Variants in CAMTA1 observed in about 807,000 individuals in gnomAD.
CAMTA1 encodes the protein calmodulin binding transcription activator 1, also known as calmodulin-binding transcription activator 1.
Under a neutral mutation model 170.9 loss-of-function variants are expected in CAMTA1, and 27 were observed. The ratio of observed to expected loss-of-function variants is 0.16; its 90% CI spans 0.12 to 0.22. CAMTA1 has a LOEUF of 0.22. CAMTA1 is among the 10% of genes least tolerant of loss of function. CAMTA1 has a pLI of 1.00. For missense variants in CAMTA1, 1,619 were observed against 2,217.2 expected (o/e 0.73, Z 5.42); for synonymous variants, 833 against 891.5 (o/e 0.93, Z 1.17).
At chr1:7,416,008 T>G (rs982831886) in intron 5 of CAMTA1, among the ~76,000 whole-genome samples, 1 of 152,232 alleles carries the variant, frequency 6.6e-6, no homozygotes, top group Non-Finnish European at 1.5e-5. Flanking sequence ...TTATTTCTCC[T>G]TCACTTATGA....
intron 3 of CAMTA1, among the ~76,000 whole-genome samples, chr1:6,842,444 C>T (rs1405658877): frequency 5.3e-5 from 8 of 152,194 alleles, no homozygotes; most frequent in Admixed American, 5.2e-4. Context: ...AAACATATCA[C>T]GACCTGGGCC....
At chr1:7,494,011 A>G (rs1246460522) in intron 6 of CAMTA1, among the ~76,000 whole-genome samples, 1 of 151,888 alleles carries the variant, frequency 6.6e-6, no homozygotes, top group East Asian at 1.9e-4. Flanking sequence ...GTAATTTAGG[A>G]TGGTTGCCAC....
chr1:7,438,635 G>A (rs1200814929), intron 5 of CAMTA1, among the ~76,000 whole-genome samples: 4 of 152,188 alleles, frequency 2.6e-5, no homozygotes, highest in Non-Finnish European at 5.9e-5. Flanking sequence ...TCCTGTGGCT[G>A]CAATGCAGCT....
intron 5 of CAMTA1, among the ~76,000 whole-genome samples, chr1:7,276,303 A>ATATAATTTTTTTTTTTTTTT: frequency 4.1e-5 from 1 of 24,228 alleles, no homozygotes; most frequent in African/African-American, 3.0e-4. Flanking sequence ...ATATATATAT[A>ATATAATTTTTTTTTTTTTTT]TTTTTTTTTT....
rs1023495970 is a variant in CAMTA1, at chr1:6,893,048, G to A, written c.234+67838G>A. ...GTAATCCCAGCACTTTTGGGAGGCC[G>A]AGGCGGGCGGATCACGAGGTCAGGA... On this transcript the variant is annotated intron_variant, in intron 3 of 22. Transcript: ENST00000303635. Among the ~76,000 whole-genome samples the A allele has an allele frequency of 2.0e-5, 3 of 152,134 alleles. No individual in the cohort carries two copies. In the East Asian group the frequency reaches 5.8e-4, roughly 29 times the overall value.
chr1:7,342,063 G>C (rs1266551655), intron 5 of CAMTA1, among the ~76,000 whole-genome samples: 1 of 152,230 alleles, frequency 6.6e-6, no homozygotes, highest in Non-Finnish European at 1.5e-5. Context: ...CATTATCACT[G>C]TATTTTACAA....
At chr1:7,180,549 C>G (rs547840464) in intron 4 of CAMTA1, among the ~76,000 whole-genome samples, 1 of 147,928 alleles carries the variant, frequency 6.8e-6, no homozygotes, top group African/African-American at 2.5e-5. Flanking sequence ...ACCGGGCCCC[C>G]CTCTATCATC....
intron 5 of CAMTA1, among the ~76,000 whole-genome samples, chr1:7,342,141 G>A (rs1020706616): frequency 1.3e-5 from 2 of 152,230 alleles, no homozygotes; most frequent in African/African-American, 4.8e-5. Flanking sequence ...TTTTAAGTCT[G>A]CCTCTTGAGG....
chr1:7,250,828 G>A (rs183317815), intron 5 of CAMTA1, among the ~76,000 whole-genome samples: 7 of 152,318 alleles, frequency 4.6e-5, no homozygotes, highest in Admixed American at 1.3e-4. Flanking sequence ...CCTGTGCTCA[G>A]TGTTTGCACA....
Position 7,333,419 on chromosome 1 carries a change from C to T in CAMTA1, c.438+83793C>T, listed in dbSNP as rs1315603519. On this transcript the variant is annotated intron_variant, in intron 5 of 22. Transcript: ENST00000303635. The surrounding 1 kb of genome is among the most constrained non-coding windows in gnomAD (Gnocchi z 4.4). ...ATAGGCACGCCTTCCTGCAAGGTCA[C>T]AGGTGGAACAGGTGGAGAGAACACA... 6.6e-6 allele frequency among the ~76,000 whole-genome samples: 1 copy of T among 152,196 alleles called. No individual in the cohort carries two copies. The highest frequency in any genetic ancestry group is 6.5e-5 in the Admixed American group (1 of 15,282).
At chr1:7,276,613 G>A (rs1357539330) in intron 5 of CAMTA1, among the ~76,000 whole-genome samples, 3 of 151,828 alleles carry the variant, frequency 2.0e-5, no homozygotes, top group African/African-American at 4.8e-5. Flanking sequence ...CCAGGCACCT[G>A]ATCATATTTA....
chr1:7,542,334 T>C (rs1233679568), intron 6 of CAMTA1, among the ~76,000 whole-genome samples: 1 of 152,202 alleles, frequency 6.6e-6, no homozygotes, highest in African/African-American at 2.4e-5. Flanking sequence ...AAGTTGATAA[T>C]ATAAGATGAG....
chr1:7,319,725 C>G (rs1678079922), intron 5 of CAMTA1, among the ~76,000 whole-genome samples: 1 of 152,174 alleles, frequency 6.6e-6, no homozygotes, highest in African/African-American at 2.4e-5. Context: ...AGCCGCATTC[C>G]AAGTCCTGAG....
intron 5 of CAMTA1, among the ~76,000 whole-genome samples, chr1:7,287,520 C>T (rs934129793): frequency 3.3e-5 from 5 of 151,848 alleles, no homozygotes; most frequent in African/African-American, 7.3e-5. Context: ...TATTTTTACA[C>T]GTTGTATTGG....
At chr1:7,348,711 G>T (rs1403470385) in intron 5 of CAMTA1, among the ~76,000 whole-genome samples, 1 of 152,210 alleles carries the variant, frequency 6.6e-6, no homozygotes, top group South Asian at 2.1e-4. Flanking sequence ...GCCACAGGGG[G>T]TGTTCGGCTT....
At chr1:7,274,379 G>A (rs1023256321) in intron 5 of CAMTA1, among the ~76,000 whole-genome samples, 3 of 152,150 alleles carry the variant, frequency 2.0e-5, no homozygotes, top group African/African-American at 4.8e-5. Flanking sequence ...ATTTTATAAT[G>A]ATAAGAGGGT....
At chr1:7,506,569 A>G (rs187828523) in intron 6 of CAMTA1, among the ~76,000 whole-genome samples, 7 of 152,218 alleles carry the variant, frequency 4.6e-5, no homozygotes, top group Admixed American at 2.0e-4. Flanking sequence ...AGCTCACTCA[A>G]AATTCACACG....
chr1:6,953,967 A>C lies in CAMTA1; in HGVS notation c.234+128757A>C, dbSNP rs969826408. On this transcript the variant is annotated intron_variant, in intron 3 of 22. Transcript: ENST00000303635. ...TTGCCAGGTCTTCTGAGTGCTGCTG[A>C]CCTGAGGGCGGCACTCGAGGGCTTG... is the stretch of plus-strand genomic sequence containing the variant. Among the ~76,000 whole-genome samples, 4 of 152,018 alleles carry C rather than the reference A, an allele frequency of 2.6e-5. No homozygotes were observed. In the East Asian group the frequency reaches 7.7e-4, roughly 29 times the overall value.
intron 3 of CAMTA1, among the ~76,000 whole-genome samples, chr1:7,059,996 C>T (rs943410850): frequency 2.6e-5 from 4 of 152,160 alleles, no homozygotes; most frequent in South Asian, 2.1e-4. Context: ...CCTGGGCAGC[C>T]GCCACAGCTG....
Sources: allele counts gnomAD v4.1 joint callset (sites outside exome capture counted in the v4.1 genomes callset), GRCh38; gene constraint gnomAD v4.1.1; non-coding constraint Gnocchi (gnomAD v3.1); transcripts MANE v1.5; gene names NCBI Gene and HGNC (gene_info 2026-07-23, HGNC 2026-07-21).